SLC35F4: variants seen among roughly 807,000 people sequenced by gnomAD.
SLC35F4 encodes solute carrier family 35 member F4.
In SLC35F4, 24 loss-of-function variants were observed where a neutral mutation model predicts 44.2. The observed-to-expected ratio is 0.54, with a 90% CI of 0.39 to 0.76. The LOEUF (loss-of-function observed/expected upper bound fraction) is 0.76, where lower values mean the gene tolerates loss of function less well. Ranked by LOEUF, SLC35F4 falls within the 30% of genes least tolerant of loss-of-function variation. The pLI is 0.00. For synonymous variants in SLC35F4, 238 were observed against 223.6 expected (o/e 1.06, Z -0.57); for missense variants, 562 against 586.1 (o/e 0.96, Z 0.42).
At chr14:57,913,754 T>C (rs906335406) in intron 1 of SLC35F4, among the ~76,000 whole-genome samples, 1 of 152,244 alleles carries the variant, frequency 6.6e-6, no homozygotes, top group Non-Finnish European at 1.5e-5. Flanking sequence ...TTTGCCCTCA[T>C]GTATTCATTC....
At chr14:57,949,977 C>G (rs1890105707) in intron 1 of SLC35F4, among the ~76,000 whole-genome samples, 1 of 152,128 alleles carries the variant, frequency 6.6e-6, no homozygotes, top group African/African-American at 2.4e-5. Flanking sequence ...TTTGTCTTGA[C>G]TTTACATATC....
At chr14:57,751,657 A>AATG (rs2076886544) in intron 1 of SLC35F4, among the ~76,000 whole-genome samples, 1 of 152,154 alleles carries the variant, frequency 6.6e-6, no homozygotes, top group African/African-American at 2.4e-5. Flanking sequence ...TTGAAGGCAA[A>AATG]ATGAGATTGT....
intron 1 of SLC35F4, among the ~76,000 whole-genome samples, chr14:57,725,711 A>G (rs945735968): frequency 2.6e-5 from 4 of 152,164 alleles, no homozygotes; most frequent in Non-Finnish European, 5.9e-5. Flanking sequence ...CACACTAACA[A>G]TGCCAACTAG....
intron 1 of SLC35F4, among the ~76,000 whole-genome samples, chr14:57,862,454 A>ATACATTTCATTC (rs1887761344): frequency 1.3e-5 from 2 of 152,216 alleles, no homozygotes; most frequent in Non-Finnish European, 2.9e-5. Flanking sequence ...TACAAGCCAA[A>ATACATTTCATTC]GGATTGACAA....
chr14:57,926,829 T>C (rs1889584248), intron 1 of SLC35F4, among the ~76,000 whole-genome samples: 1 of 151,666 alleles, frequency 6.6e-6, no homozygotes, highest in Non-Finnish European at 1.5e-5. Context: ...GGAGAAGATA[T>C]CACCAGTGTT....
rs114559161 is a variant in SLC35F4 at position 57,590,046 on chromosome 14, G to A, written c.290-533C>T. On this transcript the variant is annotated intron_variant, in intron 2 of 7. Transcript: ENST00000556826. ...CTCTGTATGCACCAACATGAAAAGC[G>A]AGTGAGAAATAAATATTCGTTTCCA... is the stretch of plus-strand genomic sequence containing the variant. Among the ~76,000 whole-genome samples, 993 of 151,852 alleles carry A rather than the reference G, an allele frequency of 6.5e-3. 15 individuals carry two copies. Among genetic ancestry groups the A allele is most frequent in the African/African-American group, 0.023 (949 of 41,432 alleles).
downstream of SLC35F4, among the ~76,000 whole-genome samples, chr14:57,975,434 C>T (rs544914822): frequency 3.3e-5 from 5 of 152,178 alleles, no homozygotes; most frequent in Admixed American, 1.3e-4. Flanking sequence ...AAAGACCACT[C>T]GTGGGAAAAG....
At chr14:57,775,903 C>T (rs1177881136) in intron 1 of SLC35F4, among the ~76,000 whole-genome samples, 1 of 152,054 alleles carries the variant, frequency 6.6e-6, no homozygotes, top group African/African-American at 2.4e-5. Flanking sequence ...CTAAGAATCA[C>T]AATAAAATGA....
At chr14:57,716,191 T>G (rs62005204) in intron 1 of SLC35F4, among the ~76,000 whole-genome samples, 43,781 of 152,092 alleles carry the variant, frequency 0.29, 7,629 homozygotes, top group South Asian at 0.39. Context: ...GGGCATGGAC[T>G]CTGTCTCAAC....
chr14:57,617,634 G>A (rs913530717), intron 1 of SLC35F4, among the ~76,000 whole-genome samples: 13 of 152,124 alleles, frequency 8.5e-5, no homozygotes, highest in African/African-American at 3.1e-4. Flanking sequence ...AAGACTTTAG[G>A]GAAATACAGA....
At chr14:57,599,919 C>G (rs1442644223) in intron 1 of SLC35F4, among the ~76,000 whole-genome samples, 1 of 151,962 alleles carries the variant, frequency 6.6e-6, no homozygotes, top group Non-Finnish European at 1.5e-5. Context: ...TGGAAATACT[C>G]CCTCCCTTTG....
At chr14:57,783,749 G>A (rs1318176293) in intron 1 of SLC35F4, among the ~76,000 whole-genome samples, 1 of 152,104 alleles carries the variant, frequency 6.6e-6, no homozygotes, top group Non-Finnish European at 1.5e-5. Flanking sequence ...AGAATCTCAT[G>A]AGTTCAAAAA....
At chr14:57,728,341 A>T (rs896297961) in intron 1 of SLC35F4, among the ~76,000 whole-genome samples, 1 of 146,934 alleles carries the variant, frequency 6.8e-6, no homozygotes, top group East Asian at 2.0e-4. Context: ...ACATTCAGCC[A>T]CTCTATGTCT....
chr14:57,981,960 A>ACTTTCTT (rs1881395305), exon 1 of SLC35F4: 1 of 152,046 alleles, frequency 6.6e-6, no homozygotes, highest in Non-Finnish European at 1.5e-5. Flanking sequence ...CAACTCACAG[A>ACTTTCTT]CTGTCTTCTG....
chr14:57,962,493 T>C (rs184661200), intron 1 of SLC35F4, among the ~76,000 whole-genome samples: 1 of 152,310 alleles, frequency 6.6e-6, no homozygotes, highest in East Asian at 1.9e-4. Flanking sequence ...AGCCCCTTCC[T>C]CAAGGCATTC....
intron 1 of SLC35F4, among the ~76,000 whole-genome samples, chr14:57,682,051 T>G (rs763246355): frequency 1.3e-5 from 2 of 152,080 alleles, no homozygotes; most frequent in African/African-American, 4.8e-5. Context: ...TTGGTTAGAG[T>G]GTAAATTAGT....
chr14:57,762,395 G>C (rs2077145205), intron 1 of SLC35F4, among the ~76,000 whole-genome samples: 1 of 152,118 alleles, frequency 6.6e-6, no homozygotes, highest in African/African-American at 2.4e-5. Context: ...TGTAGTGCTA[G>C]ATCTTATCTA....
intron 1 of SLC35F4, among the ~76,000 whole-genome samples, chr14:57,728,437 C>CTTTGTTTTTTTTTTTTTTTT (rs2076260642): frequency 1.0e-5 from 1 of 97,584 alleles, no homozygotes; most frequent in Non-Finnish European, 2.0e-5. Context: ...TTTTTTCTTT[C>CTTTGTTTTTTTTTTTTTTTT]TTTCTTTTTT....
intron 4 of SLC35F4, among the ~76,000 whole-genome samples, chr14:57,580,117 C>A (rs371761366): frequency 6.6e-6 from 1 of 152,092 alleles, no homozygotes; most frequent in Non-Finnish European, 1.5e-5. Context: ...CTGATTTTGT[C>A]TTCTATCAAA....
Sources: gnomAD v4.1 joint callset for allele counts (sites outside exome capture counted in the v4.1 genomes callset) on GRCh38, gnomAD v4.1.1 for gene constraint, MANE v1.5 for transcripts, NCBI Gene and HGNC (gene_info 2026-07-23, HGNC 2026-07-21) for gene names.